ASB3: variants seen among roughly 807,000 people sequenced by gnomAD.
ASB3 encodes ankyrin repeat and SOCS box protein 3.
In ASB3, 41 loss-of-function variants were observed where a neutral mutation model predicts 54.5. The observed-to-expected ratio is 0.75, with a 90% CI of 0.59 to 0.98. ASB3 has a LOEUF of 0.98. Among genes scored for constraint, ASB3 ranks in the 50% least tolerant of loss-of-function variants. The pLI is 0.00. For synonymous variants in ASB3, 266 were observed against 221.2 expected, an observed-to-expected ratio of 1.20 and a Z score of -1.80; for missense variants, 733 against 620.0, an observed-to-expected ratio of 1.18 and a Z score of -1.94.
In ASB3 at chr2:53,680,884, C is replaced by T. The variant is rs35967724; in HGVS notation, c.1370-10194G>A. Among the ~76,000 whole-genome samples the T allele has an allele frequency of 8.2e-3, 1,240 of 152,038 alleles. 13 individuals carry two copies. The highest frequency in any genetic ancestry group is 0.028 in the African/African-American group (1,179 of 41,464). ...TCTCACCAACCATCCCCACCTCTCA[C>T]CCCCCATCCCCACTACCTTTCCCAG... On this transcript the variant is annotated intron_variant, in intron 9 of 9. Coordinates refer to ENST00000263634, the MANE Select transcript of ASB3 (RefSeq NM_016115.5).
intron 1 of ASB3, among the ~76,000 whole-genome samples, chr2:53,779,682 C>G (rs892944594): frequency 2.0e-5 from 3 of 152,152 alleles, no homozygotes; most frequent in Non-Finnish European, 4.4e-5. Context: ...AGTGATCCAC[C>G]TACCTCAGCC....
chr2:53,687,518 A>G (rs1335094969), intron 9 of ASB3, among the ~76,000 whole-genome samples: 1 of 152,252 alleles, frequency 6.6e-6, no homozygotes, highest in Non-Finnish European at 1.5e-5. Context: ...AAATGAATCT[A>G]GAGTTAAGAA....
At chr2:53,744,363 AG>A (rs58893801) in intron 3 of ASB3, among the ~76,000 whole-genome samples, 11,212 of 145,222 alleles carry the variant, frequency 0.077, 595 homozygotes, top group East Asian at 0.13. Context: ...CAGCCTGGGC[AG>A]ACAGAGCGAG....
At position 53,714,470 on chromosome 2, in the gene ASB3, T is replaced by C; in HGVS notation, c.894A>G (p.Ile298Met). 1 of 1,614,246 alleles carries C rather than the reference T, an allele frequency of 6.2e-7. No individual in the cohort carries two copies. Among genetic ancestry groups the C allele is most frequent in the Non-Finnish European group, 8.5e-7 (1 of 1,180,026 alleles). ...CTGGGCTGTAGCCATTCCGGAGTAATATTTCTAGGCAATCTTCATGTCCCC... is the reference window on the plus strand; with the variant it reads ...CTGGGCTGTAGCCATTCCGGAGTAACATTTCTAGGCAATCTTCATGTCCCC... Reference protein sequence around the residue: ...VFGGHEDCLEILLRNGYSPDA... With the variant: ...VFGGHEDCLEMLLRNGYSPDA... Residue 298 changes from isoleucine (I) to methionine (M), a missense_variant, in exon 7 of 10, where the codon ATA (isoleucine) becomes ATG (methionine). Physicochemically the swap from Ile to Met is conservative, Grantham distance 10. Transcript: ENST00000263634.
chr2:53,677,678 T>C (rs1390027536), intron 9 of ASB3, among the ~76,000 whole-genome samples: 1 of 152,174 alleles, frequency 6.6e-6, no homozygotes, highest in African/African-American at 2.4e-5. Context: ...ATAAGAAAAC[T>C]CAAAAAGAGT....
rs1295242579 is a variant in ASB3 at position 53,757,206 on chromosome 2, G to C, written c.197-6265C>G. On this transcript the variant is annotated intron_variant, in intron 2 of 9. Coordinates refer to ENST00000263634, the MANE Select transcript of ASB3 (RefSeq NM_016115.5). ...AATTGGAGGAAAATACCGGGCACCTGTCAGCCAGTTAAAAATAATTAGTGT... is the reference window on the plus strand; with the variant it reads ...AATTGGAGGAAAATACCGGGCACCTCTCAGCCAGTTAAAAATAATTAGTGT... Among the ~76,000 whole-genome samples the C allele has an allele frequency of 2.0e-5, 3 of 152,218 alleles. No homozygotes were observed. The East Asian group carries it at 5.8e-4, about 29-fold the overall frequency.
intron 2 of ASB3, among the ~76,000 whole-genome samples, chr2:53,762,173 G>T (rs1473925296): frequency 8.1e-6 from 1 of 123,136 alleles, no homozygotes; most frequent in Non-Finnish European, 1.7e-5. Context: ...TGATCTAACT[G>T]TGTGTGTGTG....
intron 1 of ASB3, chr2:53,768,336 A>T (rs936722803): frequency 7.9e-6 from 2 of 253,936 alleles, no homozygotes; most frequent in Non-Finnish European, 1.5e-5. Context: ...AACCTCTGCC[A>T]AAAGAAAAAA....
chr2:53,778,106 G>A (rs1297458441), intron 1 of ASB3, among the ~76,000 whole-genome samples: 17 of 142,848 alleles, frequency 1.2e-4, no homozygotes, highest in South Asian at 8.8e-4. Context: ...CCAAGATGGC[G>A]CCACTGCACT....
At chr2:53,746,860 T>C (rs1672256272) in intron 3 of ASB3, among the ~76,000 whole-genome samples, 1 of 152,180 alleles carries the variant, frequency 6.6e-6, no homozygotes, top group Admixed American at 6.5e-5. Flanking sequence ...CGGTATTTTG[T>C]ATTAGTCAAT....
At chr2:53,728,934 T>C in intron 4 of ASB3, 87 bp from the exon 5 acceptor site, 1 of 1,416,262 alleles carries the variant, frequency 7.1e-7, no homozygotes, top group South Asian at 1.6e-5. Context: ...TTTTTCTTTT[T>C]TATCCTCTCA....
intron 3 of ASB3, among the ~76,000 whole-genome samples, chr2:53,732,609 T>A (rs956193586): frequency 6.6e-6 from 1 of 152,212 alleles, no homozygotes; most frequent in South Asian, 2.1e-4. Flanking sequence ...GACAGAAAAA[T>A]TTTCATTTTT....
intron 2 of ASB3, among the ~76,000 whole-genome samples, chr2:53,763,933 G>C (rs899888355): frequency 5.9e-5 from 9 of 151,984 alleles, no homozygotes; most frequent in Non-Finnish European, 1.2e-4. Context: ...CTAGACACTT[G>C]AACATGTGAT....
intron 9 of ASB3, among the ~76,000 whole-genome samples, chr2:53,674,575 C>A (rs1282055682): frequency 6.6e-6 from 1 of 152,128 alleles, no homozygotes; most frequent in Non-Finnish European, 1.5e-5. Context: ...ATCATACACA[C>A]CCACTATATT....
At chr2:53,694,847 C>T (rs768258081) in intron 8 of ASB3, among the ~76,000 whole-genome samples, 7 of 152,028 alleles carry the variant, frequency 4.6e-5, no homozygotes, top group Non-Finnish European at 1.0e-4. Flanking sequence ...TATGAGATAA[C>T]ATAGTAAACA....
intron 1 of ASB3, among the ~76,000 whole-genome samples, chr2:53,771,321 C>A (rs898184628): frequency 1.1e-4 from 16 of 152,092 alleles, no homozygotes; most frequent in South Asian, 2.1e-4. Context: ...TCCATACCAG[C>A]CTGGCCAACA....
intron 7 of ASB3, among the ~76,000 whole-genome samples, chr2:53,701,702 G>T (rs1669505181): frequency 6.6e-6 from 1 of 152,166 alleles, no homozygotes; most frequent in Non-Finnish European, 1.5e-5. Flanking sequence ...CAATGTGTTA[G>T]TTACATTTCC....
intron 1 of ASB3, among the ~76,000 whole-genome samples, chr2:53,772,149 G>A (rs191354522): frequency 2.1e-4 from 32 of 151,850 alleles, no homozygotes; most frequent in African/African-American, 7.7e-4. Context: ...AGACAACAAC[G>A]TACAGACAAA....
intron 3 of ASB3, among the ~76,000 whole-genome samples, chr2:53,749,950 T>C (rs923273110): frequency 6.6e-6 from 1 of 152,066 alleles, no homozygotes. Context: ...TTAAGTAATA[T>C]TTTTAAGTCC....
Sources: allele counts gnomAD v4.1 joint callset (sites outside exome capture counted in the v4.1 genomes callset), GRCh38; gene constraint gnomAD v4.1.1; transcripts MANE v1.5; gene names NCBI Gene and HGNC (gene_info 2026-07-23, HGNC 2026-07-21).